The following IL13RA2 variants were observed in gnomAD, a reference collection of about 807,000 sequenced individuals.
IL13RA2 encodes interleukin-13 receptor subunit alpha-2.
IL13RA2 carries 25 observed loss-of-function variants against 34.1 expected under a neutral mutation model. The observed-to-expected ratio is 0.73, with a 90% CI of 0.53 to 1.03. IL13RA2 has a LOEUF of 1.03. IL13RA2 is among the 50% of genes least tolerant of loss of function. The probability of loss-of-function intolerance (pLI) is 0.00; values close to 1 mark genes in which losing one functional copy is unlikely to be tolerated. For missense variants in IL13RA2, 297 were observed against 280.9 expected (o/e 1.06, Z -0.41); for synonymous variants, 106 against 100.4 (o/e 1.06, Z -0.33).
intron 7 of IL13RA2, among the ~76,000 whole-genome samples, chrX:115,009,197 T>C (rs2071696175): frequency 9.6e-6 from 1 of 103,934 alleles, no homozygotes; most frequent in Non-Finnish European, 2.0e-5. Flanking sequence ...CAATAAGTGG[T>C]CTTTGTGGGT....
chrX:115,008,527 T>C (rs2071693673), intron 7 of IL13RA2, among the ~76,000 whole-genome samples: 1 of 111,784 alleles, frequency 8.9e-6, no homozygotes, highest in Admixed American at 9.6e-5. Flanking sequence ...TCTTTTTTCC[T>C]TATGCTTATT....
rs781783366 is a variant in IL13RA2 at position 115,015,665 on chromosome X, C to G, written c.246+5G>C. The G allele has an allele frequency of 7.5e-6, 9 of 1,200,148 alleles. No homozygotes were observed. In the East Asian group the frequency reaches 2.4e-4, roughly 32 times the overall value. On this transcript the variant is annotated splice_donor_5th_base_variant and intron_variant, in intron 3 of 9. Coordinates refer to ENST00000243213, the MANE Select transcript of IL13RA2 (RefSeq NM_000640.3). ...TCTGATACGGCAAATGCATGCTTTA[C>G]TTACCTTCCATGTTTCACTACCAAT...
intron 6 of IL13RA2, 135 bp from the exon 7 acceptor site, chrX:115,009,801 A>T (rs1451909946): frequency 2.4e-6 from 1 of 414,472 alleles, no homozygotes; most frequent in East Asian, 4.0e-5. Context: ...TCCCTATGAT[A>T]CGTATTAAAA....
chrX:115,015,872 T>C (rs782414444), intron 2 of IL13RA2, 51 bp from the exon 3 acceptor site: 1 of 874,565 alleles, frequency 1.1e-6, no homozygotes, highest in Non-Finnish European at 1.6e-6. Flanking sequence ...TTATGACAAA[T>C]ATTGCTAAAT....
chrX:115,012,035 G>T (rs2147587071), intron 5 of IL13RA2, among the ~76,000 whole-genome samples: 1 of 112,197 alleles, frequency 8.9e-6, no homozygotes, highest in South Asian at 3.7e-4. Flanking sequence ...AATTCTAAAA[G>T]AAAAAATTAC....
chrX:115,008,025 G>T lies in IL13RA2; in HGVS notation c.904C>A (p.Arg302=). The T allele has an allele frequency of 8.7e-7, 1 of 1,145,047 alleles. No homozygotes were observed. The highest frequency in any genetic ancestry group is 1.2e-6 in the Non-Finnish European group (1 of 837,145). 94.4% of individuals were successfully genotyped at this position (1,145,047 alleles called of 1,213,427 possible). A position where few individuals can be genotyped will look rare whatever the true frequency, so the allele number is the denominator to read the frequency against. Residue 302 remains arginine, a synonymous_variant, in exon 8 of 10, where the codon CGA becomes AGA. Transcript: ENST00000243213. ...TYTLKTTNET[R]QLCFVVRSKV... ...CTTCTTACTACAAAGCATAATTGTC[G>T]GGTTTCATTTGTTGTTTTCAAGGTG...
chrX:115,004,696 T>A (rs1195464201), intron 9 of IL13RA2, among the ~76,000 whole-genome samples: 1 of 111,472 alleles, frequency 9.0e-6, no homozygotes, highest in Non-Finnish European at 1.9e-5. Context: ...TATAGCATTA[T>A]CTGCACGACT....
rs1556508417 is a variant in IL13RA2 at position 115,009,517 on chromosome X, A to T, written c.852+4T>A. On this transcript the variant is annotated splice_donor_region_variant and intron_variant, in intron 7 of 9. Coordinates refer to ENST00000243213, the MANE Select transcript of IL13RA2 (RefSeq NM_000640.3). The stretch of plus-strand genomic sequence containing the variant: ...ATTTTCCCAAATAAATGCAATATTC[A>T]TACCACCAAGGTAGTATCATCTTCT... 1.7e-6 allele frequency: 2 copies of T among 1,188,714 alleles called. No individual in the cohort carries two copies. The highest frequency in any genetic ancestry group is 2.3e-6 in the Non-Finnish European group (2 of 876,218).
chrX:115,009,779 G>T, intron 6 of IL13RA2, 113 bp from the exon 7 acceptor site: 1 of 583,033 alleles, frequency 1.7e-6, no homozygotes, highest in Non-Finnish European at 2.8e-6. Context: ...AAACCAAGTG[G>T]CTCAGTAATA....
chrX:115,008,103 C>T, intron 7 of IL13RA2, 27 bp from the exon 8 acceptor site: 4 of 1,059,197 alleles, frequency 3.8e-6, no homozygotes, highest in Non-Finnish European at 5.3e-6. Context: ...AAATCAGATG[C>T]CATTATTTGA....
intron 7 of IL13RA2, among the ~76,000 whole-genome samples, chrX:115,008,818 G>C (rs1224979872): frequency 1.8e-5 from 2 of 111,838 alleles, no homozygotes; most frequent in Non-Finnish European, 1.9e-5. Flanking sequence ...ACATAATGTA[G>C]TGTAGACTTA....
chrX:115,012,416 T>C (rs782246190), intron 5 of IL13RA2, among the ~76,000 whole-genome samples: 1 of 111,123 alleles, frequency 9.0e-6, no homozygotes, highest in Admixed American at 9.6e-5. Flanking sequence ...AGCACACATA[T>C]ATGAGAAAAA....
At chrX:115,013,570 T>C (rs2071714767) in intron 5 of IL13RA2, among the ~76,000 whole-genome samples, 199 bp downstream of exon 5, 1 of 111,596 alleles carries the variant, frequency 9.0e-6, no homozygotes, top group South Asian at 3.7e-4. Context: ...ATATCACCCA[T>C]AGAATACCTT....
chrX:115,012,963 G>A (rs1476859502), intron 5 of IL13RA2, among the ~76,000 whole-genome samples: 1 of 111,057 alleles, frequency 9.0e-6, no homozygotes, highest in African/African-American at 3.3e-5. Flanking sequence ...CAATAACACG[G>A]GTGAGAAAAA....
chrX:115,010,423 A>C (rs5987843), intron 6 of IL13RA2, among the ~76,000 whole-genome samples: 10,435 of 111,411 alleles, frequency 0.094, 1,209 homozygotes, highest in African/African-American at 0.32. Context: ...AACCTTTATT[A>C]AATTTCTTAT....
chrX:115,012,103 G>T (rs1454322912), intron 5 of IL13RA2, among the ~76,000 whole-genome samples: 2 of 112,098 alleles, frequency 1.8e-5, no homozygotes, highest in Non-Finnish European at 3.8e-5. Context: ...CCAGATCTCA[G>T]GATTGTTAAT....
rs782274765 is a variant in IL13RA2, at chrX:115,014,205, A to T, written c.400+216T>A. On this transcript the variant is annotated intron_variant, in intron 4 of 9. Transcript: ENST00000243213. ...TACTAATATGACCCCAAAACTGGGA[A>T]CTAAATCAATAAAATAATATACAGG... Among the ~76,000 whole-genome samples, 6 of 111,890 alleles carry T rather than the reference A, an allele frequency of 5.4e-5. No homozygotes were observed. The East Asian group carries it at 1.1e-3, about 21-fold the overall frequency.
intron 3 of IL13RA2, 53 bp downstream of exon 3, chrX:115,015,617 A>G: frequency 9.3e-7 from 1 of 1,070,617 alleles, no homozygotes; most frequent in Middle Eastern, 2.5e-4. Context: ...GTCAGGAATC[A>G]CAAAGTAACA....
chrX:115,006,872 AT>A (rs2071687431), intron 8 of IL13RA2, among the ~76,000 whole-genome samples: 1 of 112,116 alleles, frequency 8.9e-6, no homozygotes, highest in Non-Finnish European at 1.9e-5. Flanking sequence ...GAGTTTCCTG[AT>A]TTTTTAAAAC....
Sources: allele counts gnomAD v4.1 joint callset (sites outside exome capture counted in the v4.1 genomes callset), GRCh38; gene constraint gnomAD v4.1.1; transcripts MANE v1.5; gene names NCBI Gene and HGNC (gene_info 2026-07-23, HGNC 2026-07-21).